The following WWOX variants were observed in gnomAD, a reference collection of about 807,000 sequenced individuals.
WWOX encodes the protein WW domain containing oxidoreductase, also known as WW domain-containing oxidoreductase.
Under a neutral mutation model 46.2 loss-of-function variants are expected in WWOX, and 69 were observed. The observed-to-expected ratio is 1.49, with a 90% CI of 1.23 to 1.82. The LOEUF (loss-of-function observed/expected upper bound fraction) is 1.82. Ranked by LOEUF, WWOX falls within the 40% of genes most tolerant of loss-of-function variation. The pLI is 0.00. For synonymous variants in WWOX, 359 were observed against 202.6 expected (o/e 1.77, Z -6.56); for missense variants, 919 against 542.6 (o/e 1.69, Z -6.89).
At chr16:78,682,828 G>C (rs890655363) in intron 8 of WWOX, among the ~76,000 whole-genome samples, 1 of 152,184 alleles carries the variant, frequency 6.6e-6, no homozygotes, top group African/African-American at 2.4e-5. Context: ...AAAGGATAAT[G>C]CCTTAATGCC....
chr16:78,854,262 A>T (rs1234756821), intron 8 of WWOX, among the ~76,000 whole-genome samples: 1 of 152,236 alleles, frequency 6.6e-6, no homozygotes, highest in African/African-American at 2.4e-5. Context: ...TATTTTAGAT[A>T]AAATGAAAAG....
chr16:78,404,928 G>A (rs1567552434), intron 6 of WWOX, among the ~76,000 whole-genome samples: 3 of 152,176 alleles, frequency 2.0e-5, no homozygotes, highest in Non-Finnish European at 2.9e-5. Context: ...CAGATATCAT[G>A]CCCATTGCAC....
intron 8 of WWOX, among the ~76,000 whole-genome samples, chr16:78,796,731 C>T (rs925650810): frequency 6.6e-6 from 1 of 152,274 alleles, no homozygotes; most frequent in East Asian, 1.9e-4. Flanking sequence ...GAGCCAGAAG[C>T]ATTCTTCAGT....
At chr16:78,780,859 G>C (rs558969239) in intron 8 of WWOX, among the ~76,000 whole-genome samples, 1 of 152,282 alleles carries the variant, frequency 6.6e-6, no homozygotes, top group East Asian at 1.9e-4. Flanking sequence ...CCACTGAAGG[G>C]CATTAAGCAG....
intron 6 of WWOX, among the ~76,000 whole-genome samples, chr16:78,403,123 G>C (rs1399621193): frequency 1.2e-4 from 19 of 152,230 alleles, no homozygotes; most frequent in Admixed American, 1.2e-3. Context: ...TCATTGGCAA[G>C]GGAGATGTAC....
At chr16:78,588,198 G>C (rs2045264937) in intron 8 of WWOX, among the ~76,000 whole-genome samples, 1 of 152,176 alleles carries the variant, frequency 6.6e-6, no homozygotes, top group Non-Finnish European at 1.5e-5. Flanking sequence ...CATTGCTCCA[G>C]GTGAAGCTCT....
At chr16:79,035,746 C>T (rs1012259115) in intron 8 of WWOX, among the ~76,000 whole-genome samples, 1 of 151,624 alleles carries the variant, frequency 6.6e-6, no homozygotes, top group African/African-American at 2.4e-5. Context: ...GCCATGTTGG[C>T]CAGGCTGGTG....
intron 8 of WWOX, among the ~76,000 whole-genome samples, chr16:78,517,912 G>A (rs1487706683): frequency 7.1e-6 from 1 of 140,562 alleles, no homozygotes; most frequent in Non-Finnish European, 1.5e-5. Flanking sequence ...TGAAGAACCA[G>A]GACACCTCAT....
At chr16:78,567,814 G>A (rs1456779450) in intron 8 of WWOX, among the ~76,000 whole-genome samples, 1 of 152,064 alleles carries the variant, frequency 6.6e-6, no homozygotes, top group African/African-American at 2.4e-5. Flanking sequence ...CAGCCGGGGT[G>A]GTCTCGAGGA....
At position 78,249,224 on chromosome 16, in the gene WWOX, G is replaced by A. The variant is rs79246691; in HGVS notation, c.516+84935G>A. The stretch of plus-strand genomic sequence containing the variant: ...TTTCCCAAGCTCATGGAGTGGTGGC[G>A]GTGGAGGTGTTGTGAATGTGAACCC... On this transcript the variant is annotated intron_variant, in intron 5 of 8. Coordinates refer to ENST00000566780, the MANE Select transcript of WWOX (RefSeq NM_016373.4). 2.8e-3 allele frequency among the ~76,000 whole-genome samples: 430 copies of A among 152,278 alleles called. 1 individual carries two copies. Among genetic ancestry groups the A allele is most frequent in the Non-Finnish European group, 4.6e-3 (311 of 68,014 alleles).
chr16:78,750,759 T>G (rs1243157233), intron 8 of WWOX, among the ~76,000 whole-genome samples: 4 of 152,224 alleles, frequency 2.6e-5, no homozygotes, highest in African/African-American at 9.6e-5. Flanking sequence ...GTTTTCTGTT[T>G]CTGCATTTAT....
At position 78,425,041 on chromosome 16, in the gene WWOX, C is replaced by T; in HGVS notation, c.777C>T (p.Ser259=). Residue 259 remains serine (S), a synonymous_variant, in exon 7 of 9, where the codon TCC becomes TCT. Coordinates refer to ENST00000566780, the MANE Select transcript of WWOX (RefSeq NM_016373.4). ...CTCCTGCCCGTGTCATTGTGGTCTC[C>T]TCAGAGTCCCATCGGTGGGTTTGAA... ...RSAPARVIVV[S]SESHRFTDIN... is the part of the protein sequence containing the mutation. 6 of 1,613,856 alleles carry T rather than the reference C, an allele frequency of 3.7e-6. No individual in the cohort carries two copies. Among genetic ancestry groups the T allele is most frequent in the Non-Finnish European group, 5.1e-6 (6 of 1,180,030 alleles).
intron 8 of WWOX, among the ~76,000 whole-genome samples, chr16:79,210,272 T>A (rs1324252542): frequency 1.3e-5 from 2 of 152,178 alleles, no homozygotes; most frequent in African/African-American, 2.4e-5. Flanking sequence ...AAGTCTGCCT[T>A]ATGGCAGATT....
intron 5 of WWOX, among the ~76,000 whole-genome samples, chr16:78,328,981 C>T (rs1189063169): frequency 6.6e-6 from 1 of 152,050 alleles, no homozygotes; most frequent in Non-Finnish European, 1.5e-5. Context: ...CCTGCCTCAG[C>T]CTCCCGAGTA....
intron 8 of WWOX, among the ~76,000 whole-genome samples, chr16:79,067,796 C>T (rs1446556475): frequency 6.6e-6 from 1 of 152,098 alleles, no homozygotes; most frequent in Admixed American, 6.5e-5. Context: ...CTTTGTGGTT[C>T]GAATGGAATG....
At chr16:78,452,513 G>C (rs1323913698) in intron 8 of WWOX, among the ~76,000 whole-genome samples, 2 of 99,846 alleles carry the variant, frequency 2.0e-5, no homozygotes, top group African/African-American at 4.1e-5. Flanking sequence ...GTCTTATTCT[G>C]TTGCCCAGGC....
chr16:78,333,644 A>G (rs1567507608), intron 5 of WWOX, among the ~76,000 whole-genome samples: 2 of 152,180 alleles, frequency 1.3e-5, no homozygotes, highest in African/African-American at 4.8e-5. Context: ...GGAGTACTTC[A>G]TTAAGTCTCC....
intron 8 of WWOX, among the ~76,000 whole-genome samples, chr16:78,679,838 T>G (rs370065468): frequency 6.6e-6 from 1 of 152,188 alleles, no homozygotes; most frequent in Non-Finnish European, 1.5e-5. Context: ...GTCAACTGTT[T>G]TAGGGGCCAT....
At position 78,680,644 on chromosome 16, in the gene WWOX, A is replaced by G. The variant is rs8055042; in HGVS notation, c.1056+247892A>G. 5.3e-3 allele frequency among the ~76,000 whole-genome samples: 806 copies of G among 152,312 alleles called. 7 individuals are homozygous for G. Among genetic ancestry groups the G allele is most frequent in the African/African-American group, 0.018 (757 of 41,574 alleles). ...AATTTTAAATAAAATTAAAGATTCA[A>G]TCTCTCACTCACACATTACAAGTGC... is the stretch of plus-strand genomic sequence containing the variant. On this transcript the variant is annotated intron_variant, in intron 8 of 8. Coordinates refer to ENST00000566780, the MANE Select transcript of WWOX (RefSeq NM_016373.4).
Sources: gnomAD v4.1 joint callset for allele counts (sites outside exome capture counted in the v4.1 genomes callset) on GRCh38, gnomAD v4.1.1 for gene constraint, MANE v1.5 for transcripts, NCBI Gene and HGNC (gene_info 2026-07-23, HGNC 2026-07-21) for gene names.